PDE1A: variants seen among roughly 807,000 people sequenced by gnomAD.
The protein encoded by PDE1A is dual specificity calcium/calmodulin-dependent 3',5'-cyclic nucleotide phosphodiesterase 1A.
Under a neutral mutation model 61.7 loss-of-function variants are expected in PDE1A, and 35 were observed. The observed-to-expected ratio is 0.57, with a 90% CI of 0.43 to 0.75. PDE1A has a LOEUF of 0.75. Among genes scored for constraint, PDE1A ranks in the 30% least tolerant of loss-of-function variants. The probability of loss-of-function intolerance (pLI) is 0.00; values close to 1 mark genes in which losing one functional copy is unlikely to be tolerated. For missense variants in PDE1A, 597 were observed against 630.6 expected (o/e 0.95, Z 0.57); for synonymous variants, 232 against 213.2 (o/e 1.09, Z -0.77).
intron 1 of PDE1A, among the ~76,000 whole-genome samples, chr2:182,347,271 A>G (rs1285475912): frequency 1.3e-5 from 2 of 152,134 alleles, no homozygotes; most frequent in Admixed American, 1.3e-4. Flanking sequence ...TAATAACTCA[A>G]GGAGAAAGGA....
At chr2:182,191,650 C>T (rs1335690427) in intron 10 of PDE1A, among the ~76,000 whole-genome samples, 1 of 151,270 alleles carries the variant, frequency 6.6e-6, no homozygotes, top group Non-Finnish European at 1.5e-5. Context: ...TTTTGCACCA[C>T]CCTAAATATT....
chr2:182,458,438 G>A (rs898078519), intron 2 of PDE1A, among the ~76,000 whole-genome samples: 1 of 152,048 alleles, frequency 6.6e-6, no homozygotes, highest in African/African-American at 2.4e-5. Context: ...TCTAACTCAG[G>A]ATGGGAAAAA....
At chr2:182,535,094 CT>C in the PDE1A span, among the ~76,000 whole-genome samples, 118 of 152,016 alleles carry the variant, frequency 7.8e-4, no homozygotes, top group African/African-American at 2.7e-3. Flanking sequence ...TATATAAGTA[CT>C]GTATTTGTCC....
intron 2 of PDE1A, among the ~76,000 whole-genome samples, chr2:182,242,666 C>T (rs1690611432): frequency 6.6e-6 from 1 of 152,154 alleles, no homozygotes; most frequent in Non-Finnish European, 1.5e-5. Context: ...CTCATCTAAT[C>T]AGTTGAAAAC....
chr2:182,707,525 G>A, the PDE1A span, among the ~76,000 whole-genome samples: 3 of 151,980 alleles, frequency 2.0e-5, no homozygotes, highest in Non-Finnish European at 2.9e-5. Flanking sequence ...TAATAAATAC[G>A]ACAACTTAGA....
chr2:182,176,187 G>A (rs1312285790), intron 13 of PDE1A, among the ~76,000 whole-genome samples: 2 of 147,634 alleles, frequency 1.4e-5, no homozygotes, highest in Non-Finnish European at 3.0e-5. Flanking sequence ...TGGTTCCATA[G>A]GAACTTTAAA....
At chr2:182,714,643 C>A in the PDE1A span, among the ~76,000 whole-genome samples, 1 of 152,076 alleles carries the variant, frequency 6.6e-6, no homozygotes, top group Non-Finnish European at 1.5e-5. Flanking sequence ...TGGCTCACTG[C>A]AACCTCTGTC....
At chr2:182,263,134 G>A (rs1241912785) in intron 2 of PDE1A, among the ~76,000 whole-genome samples, 2 of 152,198 alleles carry the variant, frequency 1.3e-5, no homozygotes, top group African/African-American at 4.8e-5. Context: ...AAGGGGCCTA[G>A]TGGGTGTCCT....
At chr2:182,430,178 C>A (rs796755010), upstream of PDE1A, among the ~76,000 whole-genome samples, 28 of 150,872 alleles carry the variant, frequency 1.9e-4, no homozygotes, top group South Asian at 4.2e-4. Context: ...CAACCTACAA[C>A]ATGGGAGAAA....
At chr2:182,653,118 G>A in the PDE1A span, among the ~76,000 whole-genome samples, 1 of 152,092 alleles carries the variant, frequency 6.6e-6, no homozygotes, top group African/African-American at 2.4e-5. Flanking sequence ...AATCACTTTC[G>A]ACCCTTTTGA....
intron 1 of PDE1A, among the ~76,000 whole-genome samples, chr2:182,406,272 C>T (rs761975519): frequency 1.6e-4 from 24 of 151,810 alleles, no homozygotes; most frequent in Non-Finnish European, 2.9e-4. Flanking sequence ...CTGAAATTTA[C>T]TATATTTATT....
upstream of PDE1A, among the ~76,000 whole-genome samples, chr2:182,430,334 C>T (rs1325386313): frequency 1.7e-5 from 2 of 119,210 alleles, no homozygotes; most frequent in Middle Eastern, 3.6e-3. Flanking sequence ...GACATTTATG[C>T]AGCCAAAAAA....
the PDE1A span, among the ~76,000 whole-genome samples, chr2:182,657,636 A>C: frequency 6.6e-6 from 1 of 152,144 alleles, no homozygotes; most frequent in East Asian, 1.9e-4. Context: ...CACCTGATAA[A>C]TTTATGTTTC....
chr2:182,671,484 G>A, the PDE1A span, among the ~76,000 whole-genome samples: 1 of 151,140 alleles, frequency 6.6e-6, no homozygotes, highest in Non-Finnish European at 1.5e-5. Context: ...CACCACACCC[G>A]GCCTGGATCA....
chr2:182,193,049 A>C (rs933049252), intron 10 of PDE1A, among the ~76,000 whole-genome samples: 1 of 151,924 alleles, frequency 6.6e-6, no homozygotes, highest in African/African-American at 2.4e-5. Context: ...GTGCAGTAGC[A>C]TGGTATCGGC....
At chr2:182,296,595 A>G (rs1039154439) in intron 1 of PDE1A, among the ~76,000 whole-genome samples, 2 of 152,198 alleles carry the variant, frequency 1.3e-5, no homozygotes, top group African/African-American at 4.8e-5. Context: ...TAACTAATAA[A>G]GAGGCCACCG....
In PDE1A at chr2:182,230,964, A is replaced by T. The variant is rs371581216; in HGVS notation, c.534+51T>A. ...TCAAATGTTCTGCATTTTCATTCTT[A>T]CTCAAATAACCAATTCTAAGAGCAT... On this transcript the variant is annotated intron_variant, in intron 5 of 13. Coordinates refer to ENST00000351439, the Ensembl canonical transcript of PDE1A. 2.8e-5 allele frequency: 24 copies of T among 861,050 alleles called. 1 individual carries two copies. Among genetic ancestry groups the T allele is most frequent in the Non-Finnish European group, 4.4e-5 (23 of 527,998 alleles). 53.3% of individuals were successfully genotyped at this position (861,050 alleles called of 1,614,324 possible). A position where few individuals can be genotyped will look rare whatever the true frequency, so the allele number is the denominator to read the frequency against.
intron 2 of PDE1A, among the ~76,000 whole-genome samples, chr2:182,497,939 G>A (rs1240110511): frequency 4.0e-5 from 6 of 151,382 alleles, no homozygotes; most frequent in African/African-American, 1.2e-4. Context: ...CCAGCTACTC[G>A]GGAGGCTGAG....
At chr2:182,348,119 T>C (rs968373974) in intron 1 of PDE1A, among the ~76,000 whole-genome samples, 11 of 152,198 alleles carry the variant, frequency 7.2e-5, no homozygotes, top group Admixed American at 6.5e-4. Context: ...ATTTGGGACC[T>C]ACTACTTGGC....
Sources: allele counts gnomAD v4.1 joint callset (sites outside exome capture counted in the v4.1 genomes callset), GRCh38; gene constraint gnomAD v4.1.1; transcripts MANE v1.5; gene names NCBI Gene and HGNC (gene_info 2026-07-23, HGNC 2026-07-21).